The following PLXDC1 variants were observed in gnomAD, a reference collection of about 807,000 sequenced individuals.
PLXDC1 encodes the protein plexin domain-containing protein 1.
PLXDC1 carries 39 observed loss-of-function variants against 61.3 expected under a neutral mutation model. The ratio of observed to expected loss-of-function variants is 0.64; its 90% CI spans 0.49 to 0.83. The LOEUF (loss-of-function observed/expected upper bound fraction) is 0.83. Among genes scored for constraint, PLXDC1 ranks in the 40% least tolerant of loss-of-function variants. The pLI is 0.00. For synonymous variants in PLXDC1, 212 were observed against 254.5 expected (o/e 0.83, Z 1.59); for missense variants, 596 against 666.5 (o/e 0.89, Z 1.17).
At position 39,108,125 on chromosome 17, in the gene PLXDC1, T is replaced by C. The variant is rs764134181; in HGVS notation, c.590A>G (p.Asn197Ser). Residue 197 changes from asparagine to serine, a missense_variant and splice_region_variant, in exon 5 of 14, where the codon AAT becomes AGT. Transcript: ENST00000315392. ...SDNSTVVYFD[N>S]GTVFVVQWDH... is the part of the protein sequence containing the mutation. Reference sequence around the variant, plus strand: ...TAAATTCTGAGATCCAGTCTCACCATTGTCAAAGTAAACAACTGTGGAGTT... The same window carrying C: ...TAAATTCTGAGATCCAGTCTCACCACTGTCAAAGTAAACAACTGTGGAGTT... The C allele has an allele frequency of 5.6e-6, 9 of 1,614,172 alleles. No homozygotes were observed. The highest frequency in any genetic ancestry group is 7.6e-6 in the Non-Finnish European group (9 of 1,180,012).
In PLXDC1 at chr17:39,151,350, C is replaced by T; in HGVS notation, c.76+12G>A. ...CCCCCGGCCCACCCGGGCCGGCTCC[C>T]GCCAGTCCTACCTGCTCCGGGCTGG... On this transcript the variant is annotated intron_variant, in intron 1 of 13. Transcript: ENST00000315392. This position sits in a 1 kb window ranked among gnomAD's most constrained non-coding sequence, Gnocchi z 5.2. The T allele has an allele frequency of 7.8e-7, 1 of 1,280,678 alleles. No individual in the cohort carries two copies. The allele number at this position is 1,280,678 out of a possible 1,614,324, so 79.3% of individuals were successfully genotyped here. A position where few individuals can be genotyped will look rare whatever the true frequency, so the allele number is the denominator to read the frequency against.
At chr17:39,142,076 A>AGC (rs1311896209) in intron 1 of PLXDC1, among the ~76,000 whole-genome samples, 7 of 152,138 alleles carry the variant, frequency 4.6e-5, no homozygotes, top group African/African-American at 1.7e-4. Flanking sequence ...TAGCAGCCGC[A>AGC]GCCTTGGCCC....
chr17:39,079,295 A>G, intron 9 of PLXDC1, 131 bp from the exon 10 acceptor site: 1 of 736,340 alleles, frequency 1.4e-6, no homozygotes, highest in African/African-American at 1.7e-5. Context: ...GTAGTCAGGC[A>G]CTCCCATTCC....
intron 8 of PLXDC1, among the ~76,000 whole-genome samples, chr17:39,084,327 G>A (rs1282855217): frequency 2.0e-5 from 3 of 152,172 alleles, no homozygotes; most frequent in African/African-American, 7.2e-5. Context: ...GATTTTAGCT[G>A]CTCTTGCCAC....
intron 2 of PLXDC1, among the ~76,000 whole-genome samples, chr17:39,137,278 T>G (rs1911784061): frequency 6.6e-6 from 1 of 152,186 alleles, no homozygotes; most frequent in Admixed American, 6.5e-5. Flanking sequence ...TTCAAGGCCT[T>G]GAGCGGTGGC....
upstream of PLXDC1, chr17:39,152,668 C>T (rs2045381827): frequency 8.1e-7 from 1 of 1,234,778 alleles, no homozygotes. Context: ...AGGGTGCGAA[C>T]GCTGAGCGCC....
At chr17:39,145,425 C>T (rs919047628) in intron 1 of PLXDC1, among the ~76,000 whole-genome samples, 6 of 152,218 alleles carry the variant, frequency 3.9e-5, no homozygotes, top group African/African-American at 1.4e-4. Context: ...ACTTGGCATC[C>T]CAGCCCTGGG....
At position 39,118,026 on chromosome 17, in the gene PLXDC1, G is replaced by A. The variant is rs1343214029; in HGVS notation, c.256-8635C>T. 2.6e-5 allele frequency among the ~76,000 whole-genome samples: 4 copies of A among 151,754 alleles called. No individual in the cohort carries two copies. In the East Asian group the frequency reaches 5.8e-4, roughly 22 times the overall value. On this transcript the variant is annotated intron_variant, in intron 2 of 13. Coordinates refer to ENST00000315392, the MANE Select transcript of PLXDC1 (RefSeq NM_020405.5). ...ATGAAAGCTATTGCCACCTACCCGC[G>A]GCGTTCTAGAGCCAGTCCTTTTAGT...
intron 3 of PLXDC1, 35 bp downstream of exon 3, chr17:39,109,213 C>T (rs1173595583): frequency 1.3e-6 from 2 of 1,590,166 alleles, no homozygotes; most frequent in Admixed American, 3.5e-5. Flanking sequence ...GGCCTCCCAG[C>T]ACAGGGAAGC....
In PLXDC1 at chr17:39,072,378, G is replaced by A. The variant is rs558488306; in HGVS notation, c.1222+72C>T. On this transcript the variant is annotated intron_variant, in intron 12 of 13. Transcript: ENST00000315392. ...ACTCATAAAAATAGCCCAGGCGACTGCTGCACCCTCTTCTGGGGTGGGTCC... is the reference window on the plus strand; with the variant it reads ...ACTCATAAAAATAGCCCAGGCGACTACTGCACCCTCTTCTGGGGTGGGTCC... 130 of 1,044,722 alleles carry A rather than the reference G, an allele frequency of 1.2e-4. No homozygotes were observed. The African/African-American group carries it at 1.9e-3, about 15-fold the overall frequency. 64.7% of individuals were successfully genotyped at this position (1,044,722 alleles called of 1,614,324 possible).
At chr17:39,091,243 G>C (rs968922166) in intron 7 of PLXDC1, among the ~76,000 whole-genome samples, 1 of 152,204 alleles carries the variant, frequency 6.6e-6, no homozygotes, top group Non-Finnish European at 1.5e-5. Context: ...CCTGGAGACT[G>C]AGGTGAATTT....
At chr17:39,071,725 G>A (rs2143245984) in intron 12 of PLXDC1, among the ~76,000 whole-genome samples, 1 of 152,280 alleles carries the variant, frequency 6.6e-6, no homozygotes, top group Non-Finnish European at 1.5e-5. Context: ...CACACCCACT[G>A]CCTATGGAGG....
chr17:39,114,797 C>T (rs1187246901), intron 2 of PLXDC1, among the ~76,000 whole-genome samples: 4 of 152,156 alleles, frequency 2.6e-5, no homozygotes, highest in Non-Finnish European at 5.9e-5. Context: ...GGAACCTGAG[C>T]GGGCCAGTGT....
intron 7 of PLXDC1, chr17:39,097,092 C>G: frequency 4.5e-6 from 2 of 442,310 alleles, no homozygotes; most frequent in South Asian, 3.2e-5. Context: ...CTCCCATCCC[C>G]TTGCCTAGCA....
chr17:39,109,072 G>T, intron 3 of PLXDC1, 99 bp from the exon 4 acceptor site: 2 of 1,252,338 alleles, frequency 1.6e-6, no homozygotes, highest in Non-Finnish European at 2.3e-6. Flanking sequence ...TGGGGAGCAG[G>T]CATGCCCAGG....
At chr17:39,082,113 C>T (rs886920550) in intron 9 of PLXDC1, among the ~76,000 whole-genome samples, 2 of 152,176 alleles carry the variant, frequency 1.3e-5, no homozygotes, top group Non-Finnish European at 2.9e-5. Flanking sequence ...ATGGGCACAC[C>T]CCATCCCCTC....
intron 12 of PLXDC1, chr17:39,072,164 C>T (rs1445799807): frequency 4.1e-6 from 2 of 482,240 alleles, no homozygotes; most frequent in Non-Finnish European, 7.5e-6. Context: ...TCCTCCCACT[C>T]CTTTCTGGGC....
In PLXDC1 at chr17:39,109,333, C is replaced by T. The variant is rs761194825; in HGVS notation, c.314G>A (p.Arg105Gln). ...CTCGGCCACATCTACCCACAGTTCC[C>T]GGCTGTGGGGCTCGCTGGGGCCATA... ...RLYGPSEPHS[R>Q]ELWVDVAEAN... The change falls in exon 3 of 14, where the codon CGG (arginine) becomes CAG (glutamine). Residue 105 changes from arginine (R) to glutamine (Q), a missense_variant. Transcript: ENST00000315392. 16 of 1,610,800 alleles carry T rather than the reference C, an allele frequency of 9.9e-6. No homozygotes were observed. Among genetic ancestry groups the T allele is most frequent in the Admixed American group, 3.4e-5 (2 of 59,462 alleles).
At chr17:39,138,824 G>A (rs1031642440) in intron 2 of PLXDC1, among the ~76,000 whole-genome samples, 2 of 150,936 alleles carry the variant, frequency 1.3e-5, no homozygotes, top group African/African-American at 2.4e-5. Context: ...TGCTTCTTGC[G>A]TCCTAAGAAT....
Sources: allele counts gnomAD v4.1 joint callset (sites outside exome capture counted in the v4.1 genomes callset), GRCh38; gene constraint gnomAD v4.1.1; non-coding constraint Gnocchi (gnomAD v3.1); transcripts MANE v1.5; gene names NCBI Gene and HGNC (gene_info 2026-07-23, HGNC 2026-07-21).